The following NHERF1 variants were observed in gnomAD, a reference collection of about 807,000 sequenced individuals.
NHERF1 encodes NHERF family PDZ scaffold protein 1, also known as Na(+)/H(+) exchange regulatory cofactor NHE-RF1.
the NHERF1 span, chr17:74,762,255 A>G: frequency 7.9e-7 from 1 of 1,259,458 alleles, no homozygotes; most frequent in South Asian, 1.2e-5. This position sits in a 1 kb window ranked among gnomAD's most constrained non-coding sequence, Gnocchi z 4.2. Flanking sequence ...TCATACCATC[A>G]TGGGCTTGAT....
the NHERF1 span, among the ~76,000 whole-genome samples, chr17:74,754,290 T>TA: frequency 1.7e-4 from 26 of 151,986 alleles, no homozygotes; most frequent in African/African-American, 6.0e-4. Flanking sequence ...TGCTCTAAGA[T>TA]AGAGTGGCCC....
the NHERF1 span, among the ~76,000 whole-genome samples, chr17:74,750,293 CAG>C: frequency 6.6e-6 from 1 of 152,178 alleles, no homozygotes; most frequent in Non-Finnish European, 1.5e-5. Context: ...CTCCTGTCCC[CAG>C]AGAGTGGAGT....
the NHERF1 span, chr17:74,748,825 C>T: frequency 1.3e-6 from 2 of 1,576,616 alleles, no homozygotes; most frequent in South Asian, 2.3e-5. This position sits in a 1 kb window ranked among gnomAD's most constrained non-coding sequence, Gnocchi z 4.3. Context: ...CAAGTCGCGC[C>T]GCTGACCCGT....
the NHERF1 span, chr17:74,761,854 C>G: frequency 1.4e-6 from 1 of 712,286 alleles, no homozygotes; most frequent in Non-Finnish European, 2.5e-6. The surrounding 1 kb of genome is among the most constrained non-coding windows in gnomAD (Gnocchi z 4.3). Flanking sequence ...TCTTTTGAGT[C>G]CTGGGCCAGA....
chr17:74,749,228 G>C, the NHERF1 span: 6 of 1,529,022 alleles, frequency 3.9e-6, 1 homozygote, highest in South Asian at 7.2e-5. This position sits in a 1 kb window ranked among gnomAD's most constrained non-coding sequence, Gnocchi z 5.6. Context: ...CGCCGCCGAG[G>C]TGCAGGGGGC....
the NHERF1 span, chr17:74,763,436 G>T: frequency 6.2e-7 from 1 of 1,614,038 alleles, no homozygotes; most frequent in South Asian, 1.1e-5. Context: ...TGGCGGGGAC[G>T]AGACCAAGCT....
chr17:74,749,044 C>A, the NHERF1 span: 19 of 1,599,380 alleles, frequency 1.2e-5, no homozygotes, highest in Non-Finnish European at 1.4e-5. This position sits in a 1 kb window ranked among gnomAD's most constrained non-coding sequence, Gnocchi z 5.6. Flanking sequence ...ACGGCGAAAA[C>A]GTGGAGAAGG....
At chr17:74,759,272 G>T in the NHERF1 span, among the ~76,000 whole-genome samples, 4 of 152,248 alleles carry the variant, frequency 2.6e-5, no homozygotes, top group African/African-American at 9.6e-5. Context: ...GAAGGAAACA[G>T]AGGGCACCTG....
the NHERF1 span, among the ~76,000 whole-genome samples, chr17:74,757,755 C>G: frequency 6.6e-6 from 1 of 152,232 alleles, no homozygotes; most frequent in East Asian, 1.9e-4. Flanking sequence ...ACCCCAGCCC[C>G]TGAGAACAGC....
chr17:74,750,841 C>T, the NHERF1 span, among the ~76,000 whole-genome samples: 1 of 121,786 alleles, frequency 8.2e-6, no homozygotes, highest in African/African-American at 3.1e-5. Flanking sequence ...CTGCTGGGTG[C>T]CAGAGGGCCT....
the NHERF1 span, among the ~76,000 whole-genome samples, chr17:74,755,956 GTT>G: frequency 4.9e-5 from 7 of 141,586 alleles, no homozygotes; most frequent in Admixed American, 7.1e-5. Context: ...TATTTTTCCT[GTT>G]TTTTTTTTTT....
At chr17:74,759,843 G>A in the NHERF1 span, among the ~76,000 whole-genome samples, 1 of 152,242 alleles carries the variant, frequency 6.6e-6, no homozygotes, top group African/African-American at 2.4e-5. Context: ...CAGGGTTGGA[G>A]TTCTGGCTGT....
chr17:74,748,942 G>A, the NHERF1 span: 1 of 1,604,944 alleles, frequency 6.2e-7, no homozygotes, highest in Non-Finnish European at 8.5e-7. The surrounding 1 kb of genome is among the most constrained non-coding windows in gnomAD (Gnocchi z 4.3). Flanking sequence ...ACGGGGAGAA[G>A]GGCAAGTTGG....
chr17:74,768,254 G>C, the NHERF1 span: 6 of 1,589,048 alleles, frequency 3.8e-6, no homozygotes, highest in Admixed American at 1.0e-4. Context: ...AGCCATGCGG[G>C]GGGTGGCAAC....
At chr17:74,748,680 G>A in the NHERF1 span, 1 of 612,404 alleles carries the variant, frequency 1.6e-6, no homozygotes, top group East Asian at 3.0e-5. The surrounding 1 kb of genome is among the most constrained non-coding windows in gnomAD (Gnocchi z 4.3). Context: ...GCTCCTCGCG[G>A]CTCGCGGCGG....
chr17:74,751,000 A>G, the NHERF1 span, among the ~76,000 whole-genome samples: 6 of 152,056 alleles, frequency 3.9e-5, no homozygotes, highest in Admixed American at 2.0e-4. Flanking sequence ...ATGAGAGGAG[A>G]GCCACCAGCA....
the NHERF1 span, among the ~76,000 whole-genome samples, chr17:74,758,482 C>T: frequency 6.6e-6 from 1 of 152,204 alleles, no homozygotes; most frequent in African/African-American, 2.4e-5. The surrounding 1 kb of genome is among the most constrained non-coding windows in gnomAD (Gnocchi z 4.3). Context: ...GGCTGCATGG[C>T]CTCATGTTCC....
At chr17:74,758,078 C>T in the NHERF1 span, among the ~76,000 whole-genome samples, 11 of 152,374 alleles carry the variant, frequency 7.2e-5, no homozygotes, top group Non-Finnish European at 7.3e-5. The surrounding 1 kb of genome is among the most constrained non-coding windows in gnomAD (Gnocchi z 4.3). Context: ...GCGTTGGCCC[C>T]CAGGCTCCCA....
chr17:74,758,720 G>A, the NHERF1 span, among the ~76,000 whole-genome samples: 4 of 152,178 alleles, frequency 2.6e-5, no homozygotes, highest in Admixed American at 6.5e-5. This position sits in a 1 kb window ranked among gnomAD's most constrained non-coding sequence, Gnocchi z 4.3. Flanking sequence ...CAACATGCCT[G>A]GACGTCACTC....
Sources: gnomAD v4.1 joint callset for allele counts (sites outside exome capture counted in the v4.1 genomes callset) on GRCh38, gnomAD v4.1.1 for gene constraint, Gnocchi (gnomAD v3.1) non-coding constraint, MANE v1.5 for transcripts, NCBI Gene and HGNC (gene_info 2026-07-23, HGNC 2026-07-21) for gene names.